The following PXK variants were observed in gnomAD, a reference collection of about 807,000 sequenced individuals.
PXK encodes the protein PX domain-containing protein kinase-like protein.
A neutral mutation model predicts 84.7 loss-of-function variants in PXK; 35 were observed. The observed-to-expected ratio is 0.41, with a 90% CI of 0.32 to 0.55. PXK has a LOEUF of 0.55. Ranked by LOEUF, PXK falls within the 20% of genes least tolerant of loss-of-function variation. PXK has a pLI of 0.21. For missense variants in PXK, 634 were observed against 699.7 expected (o/e 0.91, Z 1.06); for synonymous variants, 253 against 260.8 (o/e 0.97, Z 0.29).
intron 3 of PXK, among the ~76,000 whole-genome samples, chr3:58,374,498 G>A (rs2098421277): frequency 6.6e-6 from 1 of 152,114 alleles, no homozygotes; most frequent in South Asian, 2.1e-4. Flanking sequence ...TCACTCTGCA[G>A]TTGTGCATAG....
rs866134453 is a variant in PXK at position 58,399,034 on chromosome 3, G to A, written c.1103-265G>A. ...CAAACACTTTTATGAATGATATCTT[G>A]AATCCTTCCTCCAGTTATCTTTGAA... On this transcript the variant is annotated intron_variant, in intron 11 of 17. Transcript: ENST00000356151. This position sits in a 1 kb window ranked among gnomAD's most constrained non-coding sequence, Gnocchi z 4.3. Among the ~76,000 whole-genome samples, 3 of 152,184 alleles carry A rather than the reference G, an allele frequency of 2.0e-5. No homozygotes were observed. The highest frequency in any genetic ancestry group is 2.9e-5 in the Non-Finnish European group (2 of 68,024).
chr3:58,343,139 G>A (rs914724460), intron 1 of PXK, among the ~76,000 whole-genome samples: 3 of 152,222 alleles, frequency 2.0e-5, no homozygotes, highest in Non-Finnish European at 4.4e-5. Flanking sequence ...ACCTGTAGTG[G>A]TGAAAAGGGA....
At chr3:58,338,660 G>C (rs1559840601) in intron 1 of PXK, among the ~76,000 whole-genome samples, 1 of 151,444 alleles carries the variant, frequency 6.6e-6, no homozygotes, top group African/African-American at 2.4e-5. Flanking sequence ...TGCATACTGT[G>C]TGATAGGTAA....
At chr3:58,334,379 A>G (rs867624783) in intron 1 of PXK, among the ~76,000 whole-genome samples, 3 of 152,208 alleles carry the variant, frequency 2.0e-5, no homozygotes, top group Non-Finnish European at 2.9e-5. Flanking sequence ...AGAATTTGTT[A>G]AACTTGCTAT....
Position 58,406,425 on chromosome 3 carries a change from G to A in PXK, c.1231-2499G>A, listed in dbSNP as rs547657854. 4.6e-5 allele frequency among the ~76,000 whole-genome samples: 7 copies of A among 151,466 alleles called. 1 individual carries two copies. The South Asian group carries it at 8.3e-4, about 18-fold the overall frequency. On this transcript the variant is annotated intron_variant, in intron 13 of 17. Coordinates refer to ENST00000356151, the MANE Select transcript of PXK (RefSeq NM_017771.5). ...GTTGAGTAGCTGGGACAACAGGCGC[G>A]TACCACCACACCCTGCTAATTTTTT...
In PXK at chr3:58,407,515, T is replaced by C. The variant is rs1441432017; in HGVS notation, c.1231-1409T>C. Among the ~76,000 whole-genome samples the C allele has an allele frequency of 4.0e-5, 6 of 151,878 alleles. 1 individual carries two copies. In the South Asian group the frequency reaches 1.2e-3, roughly 31 times the overall value. On this transcript the variant is annotated intron_variant, in intron 13 of 17. Transcript: ENST00000356151. This position sits in a 1 kb window ranked among gnomAD's most constrained non-coding sequence, Gnocchi z 4.3. ...TTTCTTGAGTTGTCTTTTACTCCGT[T>C]TTTCTTTGTTGCACCAATGTTTTAT...
At position 58,385,334 on chromosome 3, in the gene PXK, G is replaced by C. The variant is rs2098542289; in HGVS notation, c.388+2634G>C. Among the ~76,000 whole-genome samples, 1 of 152,208 alleles carries C rather than the reference G, an allele frequency of 6.6e-6. No individual in the cohort carries two copies. Among genetic ancestry groups the C allele is most frequent in the Non-Finnish European group, 1.5e-5 (1 of 68,040 alleles). Reference sequence around the variant, plus strand: ...TTCACCCTTTGAATGAAATTTCGGAGTTTGTCTAGCCTCAAGGCTGACATA... The same window carrying C: ...TTCACCCTTTGAATGAAATTTCGGACTTTGTCTAGCCTCAAGGCTGACATA... On this transcript the variant is annotated intron_variant, in intron 4 of 17. Coordinates refer to ENST00000356151, the MANE Select transcript of PXK (RefSeq NM_017771.5). The surrounding 1 kb of genome is among the most constrained non-coding windows in gnomAD (Gnocchi z 5.1).
chr3:58,424,638 C>T (rs1446933765), intron 17 of PXK, 114 bp from the exon 18 acceptor site: 6 of 1,426,750 alleles, frequency 4.2e-6, no homozygotes, highest in Non-Finnish European at 5.6e-6. Context: ...ATGTTGGTCC[C>T]TCTGAGAAAA....
chr3:58,402,513 T>A (rs2058742423), intron 12 of PXK, among the ~76,000 whole-genome samples: 1 of 151,202 alleles, frequency 6.6e-6, no homozygotes, highest in Non-Finnish European at 1.5e-5. Context: ...CACTGCAAGC[T>A]CCGCCTCCCG....
At position 58,412,825 on chromosome 3, in the gene PXK, A is replaced by G. The variant is rs2060400403; in HGVS notation, c.1466-76A>G. ...AGCCAAATGTAGATTCTCAGACAGC[A>G]GTGGGTCCCAGCCTGGGCCAAATTC... On this transcript the variant is annotated intron_variant, in intron 16 of 17. Coordinates refer to ENST00000356151, the MANE Select transcript of PXK (RefSeq NM_017771.5). This position sits in a 1 kb window ranked among gnomAD's most constrained non-coding sequence, Gnocchi z 6.2. 4 of 1,411,170 alleles carry G rather than the reference A, an allele frequency of 2.8e-6. No individual in the cohort carries two copies. Among genetic ancestry groups the G allele is most frequent in the South Asian group, 2.3e-5 (2 of 86,918 alleles). The allele number at this position is 1,411,170 out of a possible 1,614,324, so 87.4% of individuals were successfully genotyped here.
chr3:58,355,354 G>GTACT (rs1350950330), intron 1 of PXK, among the ~76,000 whole-genome samples: 3 of 152,238 alleles, frequency 2.0e-5, no homozygotes, highest in Admixed American at 6.5e-5. Context: ...GTCTTTTTCT[G>GTACT]TACTTCAAGT....
intron 1 of PXK, among the ~76,000 whole-genome samples, chr3:58,334,480 G>A (rs2097550614): frequency 6.6e-6 from 1 of 152,108 alleles, no homozygotes; most frequent in Non-Finnish European, 1.5e-5. Flanking sequence ...TTTTTGACTT[G>A]ACTATTGGCA....
chr3:58,357,285 A>C lies in PXK; in HGVS notation c.103-8589A>C, dbSNP rs145358922. The stretch of plus-strand genomic sequence containing the variant: ...CAGAGCGAGACTCTGTCTCAAAAAA[A>C]AAAAACAAAAACTAAGACATAAACA... On this transcript the variant is annotated intron_variant, in intron 1 of 17. Transcript: ENST00000356151. Among the ~76,000 whole-genome samples the C allele has an allele frequency of 3.2e-4, 48 of 152,066 alleles. 1 individual carries two copies. The highest frequency in any genetic ancestry group is 2.6e-4 in the Non-Finnish European group (18 of 67,928).
At chr3:58,362,860 C>A (rs568690963) in intron 1 of PXK, among the ~76,000 whole-genome samples, 10 of 152,194 alleles carry the variant, frequency 6.6e-5, no homozygotes, top group African/African-American at 1.9e-4. Flanking sequence ...ACTACAAGTG[C>A]GTACCACCAT....
At chr3:58,404,620 A>G (rs1311617702) in intron 13 of PXK, among the ~76,000 whole-genome samples, 1 of 152,192 alleles carries the variant, frequency 6.6e-6, no homozygotes, top group Non-Finnish European at 1.5e-5. Context: ...TGAGTAATGC[A>G]TGTCTGTTGT....
intron 3 of PXK, among the ~76,000 whole-genome samples, chr3:58,372,529 AGCCAGGATGGTTTC>A (rs2098390165): frequency 7.0e-6 from 1 of 142,572 alleles, no homozygotes; most frequent in Non-Finnish European, 1.5e-5. Flanking sequence ...TCACCGTGTT[AGCCAGGATGGTTTC>A]AATCTCCTGA....
Position 58,400,812 on chromosome 3 carries a change from A to G in PXK, c.1181+1435A>G, listed in dbSNP as rs1469875652. ...ACTCCTGTAATCCCAGCTACTCAGG[A>G]GGCTGAGGCAGAAGAATCACTTGAA... On this transcript the variant is annotated intron_variant, in intron 12 of 17. Transcript: ENST00000356151. This position sits in a 1 kb window ranked among gnomAD's most constrained non-coding sequence, Gnocchi z 4.0. 6.6e-6 allele frequency among the ~76,000 whole-genome samples: 1 copy of G among 152,148 alleles called. No homozygotes were observed. The highest frequency in any genetic ancestry group is 1.5e-5 in the Non-Finnish European group (1 of 68,032).
At chr3:58,395,361 T>G (rs544093838) in intron 8 of PXK, among the ~76,000 whole-genome samples, 2 of 152,350 alleles carry the variant, frequency 1.3e-5, no homozygotes, top group East Asian at 3.9e-4. Flanking sequence ...AGGTCAGTTT[T>G]TAAGTTTGTG....
At chr3:58,406,714 A>G (rs1576662053) in intron 13 of PXK, among the ~76,000 whole-genome samples, 1 of 152,332 alleles carries the variant, frequency 6.6e-6, no homozygotes, top group Middle Eastern at 3.4e-3. Context: ...ATACCCATAG[A>G]ATAATGACTC....
Sources: allele counts gnomAD v4.1 joint callset (sites outside exome capture counted in the v4.1 genomes callset), GRCh38; gene constraint gnomAD v4.1.1; non-coding constraint Gnocchi (gnomAD v3.1); transcripts MANE v1.5; gene names NCBI Gene and HGNC (gene_info 2026-07-23, HGNC 2026-07-21).